Variants in HERC1 observed in about 807,000 individuals in gnomAD.
HERC1 encodes the protein probable E3 ubiquitin-protein ligase HERC1.
In HERC1, 160 loss-of-function variants were observed where a neutral mutation model predicts 554.3. The observed-to-expected ratio is 0.29, with a 90% CI of 0.25 to 0.33. HERC1 has a LOEUF of 0.33. Ranked by LOEUF, HERC1 falls within the 10% of genes least tolerant of loss-of-function variation. The pLI is 1.00. For missense variants in HERC1, 4,919 were observed against 5,918.5 expected (o/e 0.83, Z 5.54); for synonymous variants, 2,175 against 2,131.7 (o/e 1.02, Z -0.56).
chr15:63,656,145 T>C lies in HERC1; in HGVS notation c.9813A>G (p.Gly3271=). The C allele has an allele frequency of 1.2e-6, 2 of 1,612,846 alleles. No individual in the cohort carries two copies. Among genetic ancestry groups the C allele is most frequent in the South Asian group, 1.1e-5 (1 of 90,842 alleles). The change falls in exon 49 of 78, where the codon GGA becomes GGG. Residue 3271 remains glycine (G), a synonymous_variant. Coordinates refer to ENST00000443617, the MANE Select transcript of HERC1 (RefSeq NM_003922.4). ...SCLAYLSTAV[G]CLASNAPSAA... is the part of the protein sequence containing the mutation. Reference sequence around the variant, plus strand: ...CACTAGGAGCATTTGATGCCAGACATCCCACTGCTGTGCTCAAATAGGCCA... The same window carrying C: ...CACTAGGAGCATTTGATGCCAGACACCCCACTGCTGTGCTCAAATAGGCCA...
intron 1 of HERC1, among the ~76,000 whole-genome samples, chr15:63,783,341 C>T (rs904493033): frequency 1.3e-5 from 2 of 152,048 alleles, no homozygotes; most frequent in East Asian, 1.9e-4. Flanking sequence ...AACATCAAGG[C>T]AAGACCCTCC....
intron 14 of HERC1, among the ~76,000 whole-genome samples, chr15:63,731,159 C>T (rs976748363): frequency 1.3e-5 from 2 of 152,138 alleles, no homozygotes; most frequent in Non-Finnish European, 2.9e-5. Flanking sequence ...TACTTAACCA[C>T]TCCTCTATTT....
intron 12 of HERC1, among the ~76,000 whole-genome samples, chr15:63,744,110 CTGTGTGTGTGTGTGTGTGTGTGTGTGTG>C (rs142936354): frequency 9.4e-4 from 88 of 93,382 alleles, no homozygotes; most frequent in South Asian, 1.4e-3. Context: ...CCCAAACAGA[CTGTGTGTGTGTGTGTGTGTGTGTGTGTG>C]TGTGTGTGTG....
chr15:63,625,693 C>A (rs376478254), intron 71 of HERC1, among the ~76,000 whole-genome samples: 381 of 111,580 alleles, frequency 3.4e-3, no homozygotes, highest in East Asian at 8.9e-3. Context: ...GACTCCATCT[C>A]AAAAAAAAAA....
chr15:63,739,497 C>T (rs138849923), intron 12 of HERC1, among the ~76,000 whole-genome samples: 11 of 152,036 alleles, frequency 7.2e-5, no homozygotes, highest in African/African-American at 2.7e-4. Flanking sequence ...GCACCCAGCC[C>T]ACTAAGGTAT....
rs775809858 is a variant in HERC1 at position 63,643,529 on chromosome 15, C to T, written c.11206G>A (p.Gly3736Arg). 1 of 1,601,514 alleles carries T rather than the reference C, an allele frequency of 6.2e-7. No homozygotes were observed. The highest frequency in any genetic ancestry group is 2.2e-5 in the East Asian group (1 of 44,450). ...NCQDGYRKSSGAKCVYQLRGH... is the reference protein window; with the variant it reads ...NCQDGYRKSSRAKCVYQLRGH... ...CGCAGCTGATAAACACACTTGGCTC[C>T]TGATGATTTCCTATATCCATCCTGA... The change falls in exon 58 of 78, where the codon GGA (glycine) becomes AGA (arginine). Residue 3736 changes from glycine (G) to arginine (R), a missense_variant. By Grantham distance (125) the Gly-to-Arg change is moderately radical (BLOSUM62 -2). Around this residue, in one of 11 missense-constraint regions of HERC1, gnomAD observed 1,963 missense variants for 2,228.6 expected, o/e 0.88. Coordinates refer to ENST00000443617, the MANE Select transcript of HERC1 (RefSeq NM_003922.4).
At position 63,756,230 on chromosome 15, in the gene HERC1, C is replaced by T. The variant is rs2075416596; in HGVS notation, c.1533+207G>A. Among the ~76,000 whole-genome samples the T allele has an allele frequency of 6.6e-6, 1 of 150,904 alleles. No individual in the cohort carries two copies. The highest frequency in any genetic ancestry group is 1.5e-5 in the Non-Finnish European group (1 of 67,808). On this transcript the variant is annotated intron_variant, in intron 5 of 77. Coordinates refer to ENST00000443617, the MANE Select transcript of HERC1 (RefSeq NM_003922.4). This position sits in a 1 kb window ranked among gnomAD's most constrained non-coding sequence, Gnocchi z 5.0. ...TCTGTGAAATAGGGATAATAACTACCTTACAAGAATAATTATAAGAATATA... is the reference window on the plus strand; with the variant it reads ...TCTGTGAAATAGGGATAATAACTACTTTACAAGAATAATTATAAGAATATA...
chr15:63,816,774 G>A (rs1272949661), intron 1 of HERC1, among the ~76,000 whole-genome samples: 1 of 152,122 alleles, frequency 6.6e-6, no homozygotes, highest in African/African-American at 2.4e-5. Flanking sequence ...TTACAGGGTT[G>A]AAGAAATACT....
intron 2 of HERC1, among the ~76,000 whole-genome samples, chr15:63,766,504 C>T (rs950487695): frequency 3.3e-5 from 5 of 152,298 alleles, no homozygotes; most frequent in Admixed American, 6.5e-5. Context: ...AGGAAAATCG[C>T]TTGAACCCAG....
chr15:63,811,661 T>C (rs932127295), intron 1 of HERC1, among the ~76,000 whole-genome samples: 1 of 151,666 alleles, frequency 6.6e-6, no homozygotes, highest in African/African-American at 2.4e-5. Flanking sequence ...TATACAAAAT[T>C]AGCCGGGTGT....
At chr15:63,725,633 A>G (rs1209572959) in intron 17 of HERC1, 120 bp from the exon 18 acceptor site, 1 of 711,544 alleles carries the variant, frequency 1.4e-6, no homozygotes, top group Non-Finnish European at 2.4e-6. Context: ...TATGATGAAA[A>G]CACAAATTAT....
rs963071624 is a variant in HERC1, at chr15:63,675,021, C to T, written c.7167G>A (p.Thr2389=). The T allele has an allele frequency of 6.8e-6, 11 of 1,614,000 alleles. No individual in the cohort carries two copies. Among genetic ancestry groups the T allele is most frequent in the Admixed American group, 1.7e-5 (1 of 60,030 alleles). Reference sequence around the variant, plus strand: ...ATGTTAGGTCCAGCAGCACAGAAGCCGTCAGGCCTCGGAATCGCGCCACAT... The same window carrying T: ...ATGTTAGGTCCAGCAGCACAGAAGCTGTCAGGCCTCGGAATCGCGCCACAT... ...PFDVARFRGL[T]ASVLLDLTYL... The change falls in exon 38 of 78, where the codon ACG becomes ACA. Residue 2389 remains threonine (T), a synonymous_variant. Coordinates refer to ENST00000443617, the MANE Select transcript of HERC1 (RefSeq NM_003922.4).
In HERC1 at chr15:63,608,988, A is replaced by G; in HGVS notation, c.*93T>C. 1 of 1,097,362 alleles carries G rather than the reference A, an allele frequency of 9.1e-7. No individual in the cohort carries two copies. 68.0% of individuals were successfully genotyped at this position (1,097,362 alleles called of 1,614,324 possible). On this transcript the variant is annotated 3_prime_UTR_variant, in exon 78 of 78. Coordinates refer to ENST00000443617, the MANE Select transcript of HERC1 (RefSeq NM_003922.4). ...TTATAATGTTGGTTTATGTTCTTAT[A>G]ACATCTATGTAGTTACCATAAAAGT...
Position 63,819,947 on chromosome 15 carries a change from C to T in HERC1, c.-27+13880G>A, listed in dbSNP as rs150621547. ...GTTTTACCCCATAAGTTTAAACGTG[C>T]GTTAAATAATACATGGAAAAACGCT... is the stretch of plus-strand genomic sequence containing the variant. On this transcript the variant is annotated intron_variant, in intron 1 of 77. Transcript: ENST00000443617. 9.5e-4 allele frequency among the ~76,000 whole-genome samples: 145 copies of T among 152,192 alleles called. 1 individual carries two copies. Among genetic ancestry groups the T allele is most frequent in the African/African-American group, 3.3e-3 (137 of 41,528 alleles).
chr15:63,787,882 G>A (rs2143871349), intron 1 of HERC1, among the ~76,000 whole-genome samples: 1 of 148,426 alleles, frequency 6.7e-6, no homozygotes, highest in East Asian at 2.0e-4. Flanking sequence ...GGCCGCCTGA[G>A]TCCAGAAGGT....
Position 63,694,784 on chromosome 15 carries a change from C to T in HERC1, c.5232G>A (p.Lys1744=). The T allele has an allele frequency of 1.2e-6, 2 of 1,613,862 alleles. No homozygotes were observed. Among genetic ancestry groups the T allele is most frequent in the Non-Finnish European group, 1.7e-6 (2 of 1,179,842 alleles). ...ATLERALQAN[K]HHIEAQQRLL... is the part of the protein sequence containing the mutation. ...GAACCGTTTACTTACCAATGTGATG[C>T]TTGTTTGCTTGCAGGGCTCTTTCCA... The change falls in exon 28 of 78, where the codon AAG becomes AAA. Residue 1744 remains lysine, a synonymous_variant. Coordinates refer to ENST00000443617, the MANE Select transcript of HERC1 (RefSeq NM_003922.4). This position sits in a 1 kb window ranked among gnomAD's most constrained non-coding sequence, Gnocchi z 4.3.
intron 74 of HERC1, 108 bp from the exon 75 acceptor site, chr15:63,616,790 G>C: frequency 3.2e-6 from 3 of 939,320 alleles, no homozygotes; most frequent in Non-Finnish European, 3.2e-6. Context: ...GTTCAATATG[G>C]CATCCATTAG....
At chr15:63,643,793 C>G (rs761996121) in intron 57 of HERC1, among the ~76,000 whole-genome samples, 16 of 152,288 alleles carry the variant, frequency 1.1e-4, no homozygotes, top group Middle Eastern at 3.4e-3. Flanking sequence ...ACTCTTCAAA[C>G]TACAGAAATA....
At chr15:63,644,361 T>C (rs2069221239) in intron 57 of HERC1, among the ~76,000 whole-genome samples, 1 of 152,228 alleles carries the variant, frequency 6.6e-6, no homozygotes, top group African/African-American at 2.4e-5. Context: ...TGCCAATGTT[T>C]AATATTGGGA....
Sources: allele counts gnomAD v4.1 joint callset (sites outside exome capture counted in the v4.1 genomes callset), GRCh38; gene constraint gnomAD v4.1.1; regional missense constraint gnomAD v4.1.1; non-coding constraint Gnocchi (gnomAD v3.1); transcripts MANE v1.5; gene names NCBI Gene and HGNC (gene_info 2026-07-23, HGNC 2026-07-21).